The following LCP2 variants were observed in gnomAD, a reference collection of about 807,000 sequenced individuals.
LCP2 encodes the protein lymphocyte cytosolic protein 2.
A neutral mutation model predicts 74.5 loss-of-function variants in LCP2; 29 were observed. The observed-to-expected ratio is 0.39, with a 90% CI of 0.29 to 0.53. The LOEUF (loss-of-function observed/expected upper bound fraction) is 0.53. Among genes scored for constraint, LCP2 ranks in the 20% least tolerant of loss-of-function variants. The pLI, the probability that LCP2 is intolerant of heterozygous loss-of-function variation, is 0.72. For synonymous variants in LCP2, 228 were observed against 229.5 expected (o/e 0.99, Z 0.06); for missense variants, 604 against 634.6 (o/e 0.95, Z 0.52).
chr5:170,261,969 G>A (rs1432251135), intron 13 of LCP2, among the ~76,000 whole-genome samples: 1 of 152,110 alleles, frequency 6.6e-6, no homozygotes, highest in Non-Finnish European at 1.5e-5. Flanking sequence ...CCATTACTGA[G>A]GAGGTTTTTT....
At position 170,252,350 on chromosome 5, in the gene LCP2, C is replaced by T. The variant is rs1546451; in HGVS notation, c.1323+84G>A. 354,460 of 733,698 alleles carry T rather than the reference C, an allele frequency of 0.48. 88,359 individuals carry two copies. Among genetic ancestry groups the T allele is most frequent in the South Asian group, 0.53 (30,671 of 57,524 alleles). The allele number at this position is 733,698 out of a possible 1,614,324, so 45.4% of individuals were successfully genotyped here. A position where few individuals can be genotyped will look rare whatever the true frequency, so the allele number is the denominator to read the frequency against. ...AACAGCACCTAGCAGAATTCCTAGC[C>T]TGTAATTGGTACTCAGGACAGGTCA... On this transcript the variant is annotated intron_variant, in intron 19 of 20. Coordinates refer to ENST00000046794, the MANE Select transcript of LCP2 (RefSeq NM_005565.5).
intron 11 of LCP2, 39 bp downstream of exon 11, chr5:170,262,928 A>G: frequency 1.2e-6 from 2 of 1,614,066 alleles, no homozygotes. Context: ...CAAGATGTGA[A>G]ACAAACAAAC....
chr5:170,273,003 C>T (rs1761923119), intron 6 of LCP2, among the ~76,000 whole-genome samples: 1 of 150,680 alleles, frequency 6.6e-6, no homozygotes, highest in Non-Finnish European at 1.5e-5. Context: ...TTTGGTGCTG[C>T]CTGATTCATG....
intron 3 of LCP2, among the ~76,000 whole-genome samples, chr5:170,285,222 C>T (rs894602418): frequency 2.0e-5 from 3 of 152,174 alleles, no homozygotes; most frequent in Non-Finnish European, 4.4e-5. Context: ...GTTTACATTT[C>T]TAGAAGTTCT....
At chr5:170,289,740 T>C (rs1040580168) in intron 2 of LCP2, among the ~76,000 whole-genome samples, 1 of 126,088 alleles carries the variant, frequency 7.9e-6, no homozygotes. Flanking sequence ...TTCCTGTCTT[T>C]TCTTTTCTTT....
intron 7 of LCP2, 118 bp downstream of exon 7, chr5:170,270,601 A>T: frequency 2.4e-6 from 2 of 830,278 alleles, no homozygotes; most frequent in South Asian, 3.9e-5. Flanking sequence ...AGCCGAGCAG[A>T]TATCGAGACC....
Position 170,287,976 on chromosome 5 carries a change from C to T in LCP2, c.182G>A (p.Arg61Gln), listed in dbSNP as rs747190286. 4.6e-5 allele frequency: 75 copies of T among 1,613,768 alleles called. No homozygotes were observed. Among genetic ancestry groups the T allele is most frequent in the Admixed American group, 3.2e-4 (19 of 59,988 alleles). Residue 61 changes from arginine to glutamine, a missense_variant, in exon 3 of 21, where the codon CGG becomes CAG. Transcript: ENST00000046794. ...GAGTTGGAGGAGTACTTACGGCACC[C>T]GGAGCTTGGGGAACTTCTGGATGTC... Reference protein sequence around the residue: ...ENDIQKFPKLRVPILSKLSQE... With the variant: ...ENDIQKFPKLQVPILSKLSQE...
intron 7 of LCP2, among the ~76,000 whole-genome samples, chr5:170,268,698 G>T (rs1332546419): frequency 6.6e-6 from 1 of 152,060 alleles, no homozygotes; most frequent in Non-Finnish European, 1.5e-5. Context: ...TTATACACAG[G>T]CTCAGCTTTC....
intron 1 of LCP2, among the ~76,000 whole-genome samples, chr5:170,296,330 C>G (rs1762383475): frequency 6.6e-6 from 1 of 152,208 alleles, no homozygotes; most frequent in East Asian, 1.9e-4. Context: ...TGAACTGTAC[C>G]CCTACCATAC....
chr5:170,255,110 A>G (rs1362002960), intron 17 of LCP2, among the ~76,000 whole-genome samples: 1 of 152,236 alleles, frequency 6.6e-6, no homozygotes, highest in Non-Finnish European at 1.5e-5. Flanking sequence ...AGAGGCAAGG[A>G]GGTAACACAA....
intron 7 of LCP2, among the ~76,000 whole-genome samples, chr5:170,269,621 G>C (rs1761856739): frequency 1.3e-5 from 2 of 152,212 alleles, no homozygotes; most frequent in South Asian, 4.1e-4. Context: ...TAATATCACA[G>C]CTTAAAGATA....
At chr5:170,284,551 G>A (rs903477011) in intron 3 of LCP2, among the ~76,000 whole-genome samples, 16 of 150,610 alleles carry the variant, frequency 1.1e-4, no homozygotes, top group African/African-American at 3.9e-4. Flanking sequence ...TTTTCTTCCT[G>A]TTTCTTAGAT....
rs566863415 is a variant in LCP2, at chr5:170,270,681, G to A, written c.523+38C>T. ...TGCAGCAGTGGCGAGCTTGCCTTTG[G>A]GCTGCTCGGGCCAGAAAATCCGGAA... On this transcript the variant is annotated intron_variant, in intron 7 of 20. Coordinates refer to ENST00000046794, the MANE Select transcript of LCP2 (RefSeq NM_005565.5). 5.3e-6 allele frequency: 8 copies of A among 1,519,788 alleles called. No homozygotes were observed. In the African/African-American group the frequency reaches 1.1e-4, roughly 21 times the overall value. The allele number at this position is 1,519,788 out of a possible 1,614,324, so 94.1% of individuals were successfully genotyped here. A position where few individuals can be genotyped will look rare whatever the true frequency, so the allele number is the denominator to read the frequency against.
chr5:170,268,680 C>T (rs1293443631), intron 7 of LCP2, among the ~76,000 whole-genome samples, 198 bp from the exon 8 acceptor site: 1 of 151,790 alleles, frequency 6.6e-6, no homozygotes, highest in Non-Finnish European at 1.5e-5. Flanking sequence ...TAGTTTGTGT[C>T]ACTCTCCTTA....
chr5:170,268,565 G>A (rs1761816602), intron 7 of LCP2, 83 bp from the exon 8 acceptor site: 1 of 179,760 alleles, frequency 5.6e-6, no homozygotes, highest in South Asian at 9.1e-5. Flanking sequence ...GCAGCTCGGG[G>A]CACCGGGGGT....
chr5:170,261,037 C>T (rs752267332), intron 14 of LCP2, 70 bp downstream of exon 14: 24 of 1,217,398 alleles, frequency 2.0e-5, no homozygotes, highest in Non-Finnish European at 2.5e-5. Flanking sequence ...TGGATGGAGT[C>T]CCAACCTCCT....
intron 13 of LCP2, 104 bp from the exon 14 acceptor site, chr5:170,261,241 A>T: frequency 1.2e-6 from 1 of 846,452 alleles, no homozygotes; most frequent in Non-Finnish European, 2.0e-6. Context: ...AATCGAACCC[A>T]CTGAGCCTAG....
chr5:170,294,847 A>T (rs1762346211), intron 1 of LCP2, among the ~76,000 whole-genome samples: 1 of 152,244 alleles, frequency 6.6e-6, no homozygotes, highest in Admixed American at 6.5e-5. Context: ...GATTTTGAAG[A>T]GTGCTAACTT....
chr5:170,290,182 G>C (rs1762265816), intron 2 of LCP2, among the ~76,000 whole-genome samples: 1 of 152,160 alleles, frequency 6.6e-6, no homozygotes, highest in South Asian at 2.1e-4. Context: ...GATGATTTTG[G>C]AGTTAAGATT....
Sources: allele counts gnomAD v4.1 joint callset (sites outside exome capture counted in the v4.1 genomes callset), GRCh38; gene constraint gnomAD v4.1.1; transcripts MANE v1.5; gene names NCBI Gene and HGNC (gene_info 2026-07-23, HGNC 2026-07-21).